Variants in CBY3 observed in about 807,000 individuals in gnomAD.
CBY3 encodes the protein chibby family member 3.
CBY3 carries 7 observed loss-of-function variants against 3.0 expected under a neutral mutation model. The ratio of observed to expected loss-of-function variants is 2.32; its 90% CI spans 1.32 to 4.35. The LOEUF is 4.35. Ranked by LOEUF, CBY3 falls within the 30% of genes most tolerant of loss-of-function variation. The pLI is 0.00. For missense variants in CBY3, 400 were observed against 336.4 expected (o/e 1.19, Z -1.48); for synonymous variants, 170 against 154.5 (o/e 1.10, Z -0.74).
Position 179,679,127 on chromosome 5 carries a change from TC to T in CBY3, c.184del (p.Glu62SerfsTer118). The part of the protein sequence containing the change: ...PYKVHALATF[E>X]CSATSHASRL... ...GCTGGCATGGCTCGTAGCCGAGCAC[TC>T]GAAGGTTGCCAGGGCGTGGACCTTG... On this transcript the variant is annotated frameshift_variant, in exon 2 of 2. Coordinates refer to ENST00000376974, the MANE Select transcript of CBY3 (RefSeq NM_001164444.2). LOFTEE classifies it low-confidence loss of function (END_TRUNC). 6.5e-7 allele frequency: 1 copy of T among 1,535,620 alleles called. No homozygotes were observed. The highest frequency in any genetic ancestry group is 8.7e-7 in the Non-Finnish European group (1 of 1,146,830).
At position 179,679,112 on chromosome 5, in the gene CBY3, C is replaced by T; in HGVS notation, c.200G>A (p.Ser67Asn). 2 of 1,535,732 alleles carry T rather than the reference C, an allele frequency of 1.3e-6. No homozygotes were observed. The highest frequency in any genetic ancestry group is 1.7e-6 in the Non-Finnish European group (2 of 1,146,810). Residue 67 changes from serine (S) to asparagine (N), a missense_variant, in exon 2 of 2, where the codon AGC becomes AAC. Ser to Asn is a conservative substitution (Grantham distance 46). Coordinates refer to ENST00000376974, the MANE Select transcript of CBY3 (RefSeq NM_001164444.2). ...ALATFECSAT[S>N]HASRLWQTLQ... Reference sequence around the variant, plus strand: ...CGTCTGCCACAGGCGGCTGGCATGGCTCGTAGCCGAGCACTCGAAGGTTGC... The same window carrying T: ...CGTCTGCCACAGGCGGCTGGCATGGTTCGTAGCCGAGCACTCGAAGGTTGC...
chr5:179,680,952 G>A lies in CBY3; in HGVS notation c.-34C>T. 1 of 1,528,706 alleles carries A rather than the reference G, an allele frequency of 6.5e-7. No homozygotes were observed. Among genetic ancestry groups the A allele is most frequent in the Non-Finnish European group, 8.8e-7 (1 of 1,140,204 alleles). 94.7% of individuals were successfully genotyped at this position (1,528,706 alleles called of 1,614,324 possible). On this transcript the variant is annotated 5_prime_UTR_variant, in exon 1 of 2. Coordinates refer to ENST00000376974, the MANE Select transcript of CBY3 (RefSeq NM_001164444.2). ...ACCCTTGAGATTGTATCTTCTCGGA[G>A]GATGTTTCCCCGTTAGTCCTCACTG...
intron 1 of CBY3, among the ~76,000 whole-genome samples, chr5:179,679,856 A>G (rs1370883761): frequency 5.4e-5 from 8 of 147,476 alleles, no homozygotes; most frequent in Non-Finnish European, 1.2e-4. Flanking sequence ...ACGGGGTTTC[A>G]CCATGTTGGC....
Position 179,680,937 on chromosome 5 carries a change from T to G in CBY3, c.-19A>C, listed in dbSNP as rs763822180. On this transcript the variant is annotated 5_prime_UTR_variant, in exon 1 of 2. Transcript: ENST00000376974. ...CCCACATCCAGGCCCACCCTTGAGA[T>G]TGTATCTTCTCGGAGGATGTTTCCC... is the stretch of plus-strand genomic sequence containing the variant. The G allele has an allele frequency of 6.5e-7, 1 of 1,534,854 alleles. No individual in the cohort carries two copies. Among genetic ancestry groups the G allele is most frequent in the Non-Finnish European group, 8.7e-7 (1 of 1,145,494 alleles).
intron 1 of CBY3, among the ~76,000 whole-genome samples, chr5:179,679,978 T>A (rs1776019186): frequency 1.4e-5 from 2 of 142,924 alleles, no homozygotes; most frequent in Admixed American, 7.1e-5. Context: ...TTTTTTTTTT[T>A]TTTTTTGTAT....
intron 1 of CBY3, among the ~76,000 whole-genome samples, chr5:179,679,806 C>G (rs1260056006): frequency 6.6e-6 from 1 of 151,958 alleles, no homozygotes; most frequent in Non-Finnish European, 1.5e-5. Context: ...TTACAGGCGC[C>G]TGCCATCACC....
Position 179,680,899 on chromosome 5 carries a change from TG to T in CBY3, c.19del (p.His7IlefsTer173). 6.5e-7 allele frequency: 1 copy of T among 1,536,852 alleles called. No homozygotes were observed. The highest frequency in any genetic ancestry group is 8.7e-7 in the Non-Finnish European group (1 of 1,146,782). On this transcript the variant is annotated frameshift_variant, in exon 1 of 2. Transcript: ENST00000376974. LOFTEE classifies it low-confidence loss of function (END_TRUNC). Reference sequence around the variant, plus strand: ...ATCCCCAAGATCTGGTTCAGGGAGATGGTCTCTGGAAGCCCACATCCAGGCC... The same window carrying T: ...ATCCCCAAGATCTGGTTCAGGGAGATGTCTCTGGAAGCCCACATCCAGGCC... MWASRDHLPEPDLGDAA... is the reference protein window; with the variant it reads MWASRDXLPEPDLGDAA...
chr5:179,680,122 T>G (rs1045837152), intron 1 of CBY3, among the ~76,000 whole-genome samples: 8 of 152,082 alleles, frequency 5.3e-5, no homozygotes, highest in Admixed American at 2.6e-4. Context: ...GGCAGGACTT[T>G]CATATTTCAG....
rs1047966904 is a variant in CBY3, at chr5:179,679,103, C to T, written c.209G>A (p.Ser70Asn). 2.0e-6 allele frequency: 3 copies of T among 1,535,672 alleles called. No individual in the cohort carries two copies. The African/African-American group carries it at 4.1e-5, about 21-fold the overall frequency. Residue 70 changes from serine to asparagine, a missense_variant, in exon 2 of 2, where the codon AGC (serine) becomes AAC (asparagine). By Grantham distance (46) the Ser-to-Asn change is conservative (BLOSUM62 1). Coordinates refer to ENST00000376974, the MANE Select transcript of CBY3 (RefSeq NM_001164444.2). Reference protein sequence around the residue: ...TFECSATSHASRLWQTLQQFW... With the variant: ...TFECSATSHANRLWQTLQQFW... Reference sequence around the variant, plus strand: ...CTGCTGCAGCGTCTGCCACAGGCGGCTGGCATGGCTCGTAGCCGAGCACTC... The same window carrying T: ...CTGCTGCAGCGTCTGCCACAGGCGGTTGGCATGGCTCGTAGCCGAGCACTC...
rs1562423270 is a variant in CBY3 at position 179,678,660 on chromosome 5, GC to G, written c.651del (p.Gln218ArgfsTer16). On this transcript the variant is annotated frameshift_variant, in exon 2 of 2. Transcript: ENST00000376974. LOFTEE classifies it low-confidence loss of function (END_TRUNC). ...CCTGCGCGCTTGCGCATCTTCCTCT[GC>G]CCGGCGCGCGCCGCAGCCGTCGGGA... ...EVIPTAAARA[G>X]QRKMRKRAGA... 6 of 1,535,388 alleles carry G rather than the reference GC, an allele frequency of 3.9e-6. No homozygotes were observed. In the Admixed American group the frequency reaches 7.9e-5, roughly 20 times the overall value.
At position 179,678,655 on chromosome 5, in the gene CBY3, C is replaced by T. The variant is rs904667876; in HGVS notation, c.657G>A (p.Arg219=). ...IPTAAARAGQ[R]KMRKRAGASA... ...TGGCGCCTGCGCGCTTGCGCATCTT[C>T]CTCTGCCCGGCGCGCGCCGCAGCCG... The change falls in exon 2 of 2, where the codon AGG becomes AGA. Residue 219 remains arginine (R), a synonymous_variant. Coordinates refer to ENST00000376974, the MANE Select transcript of CBY3 (RefSeq NM_001164444.2). 1.2e-4 allele frequency: 178 copies of T among 1,534,992 alleles called. No individual in the cohort carries two copies. Among genetic ancestry groups the T allele is most frequent in the Non-Finnish European group, 1.4e-4 (164 of 1,145,638 alleles).
Position 179,680,872 on chromosome 5 carries a change from C to G in CBY3, c.46+1G>C. On this transcript the variant is annotated splice_donor_variant, in intron 1 of 1. Coordinates refer to ENST00000376974, the MANE Select transcript of CBY3 (RefSeq NM_001164444.2). LOFTEE classifies it high-confidence loss of function. ...GTGGACAGAGGCTGGATGGTACATA[C>G]CATCCCCAAGATCTGGTTCAGGGAG... The G allele has an allele frequency of 6.5e-7, 1 of 1,536,578 alleles. No individual in the cohort carries two copies. Among genetic ancestry groups the G allele is most frequent in the Non-Finnish European group, 8.7e-7 (1 of 1,146,434 alleles).
At chr5:179,680,517 T>G (rs1776035434) in intron 1 of CBY3, among the ~76,000 whole-genome samples, 1 of 152,180 alleles carries the variant, frequency 6.6e-6, no homozygotes, top group South Asian at 2.1e-4. Flanking sequence ...GTGTGTTCAC[T>G]GACATCCTGG....
intron 1 of CBY3, among the ~76,000 whole-genome samples, chr5:179,680,185 C>T (rs1581809453): frequency 6.6e-6 from 1 of 151,914 alleles, no homozygotes; most frequent in South Asian, 2.1e-4. Context: ...GAAGAGGAAG[C>T]TGGGAAGGTG....
In CBY3 at chr5:179,678,676, A is replaced by C. The variant is rs1016612059; in HGVS notation, c.636T>G (p.Ala212=). Residue 212 remains alanine (A), a synonymous_variant, in exon 2 of 2, where the codon GCT becomes GCG. Transcript: ENST00000376974. ...TCTTCCTCTGCCCGGCGCGCGCCGC[A>C]GCCGTCGGGATCACCTCGGGGTTGC... The part of the protein sequence containing the change: ...KQRNPEVIPT[A]AARAGQRKMR... 8.5e-6 allele frequency: 13 copies of C among 1,535,656 alleles called. No homozygotes were observed. In the African/African-American group the frequency reaches 1.6e-4, roughly 19 times the overall value.
chr5:179,680,122 T>C (rs1045837152), intron 1 of CBY3, among the ~76,000 whole-genome samples: 3 of 152,082 alleles, frequency 2.0e-5, no homozygotes, highest in Admixed American at 1.3e-4. Flanking sequence ...GGCAGGACTT[T>C]CATATTTCAG....
At chr5:179,680,044 C>T (rs1052175823) in intron 1 of CBY3, among the ~76,000 whole-genome samples, 1 of 149,172 alleles carries the variant, frequency 6.7e-6, no homozygotes, top group Admixed American at 6.8e-5. Flanking sequence ...AACTCCGGAC[C>T]TCAGGTGATC....
Position 179,679,191 on chromosome 5 carries a change from G to T in CBY3, c.121C>A (p.Arg41Ser), listed in dbSNP as rs1405223711. 1.3e-6 allele frequency: 2 copies of T among 1,534,938 alleles called. No homozygotes were observed. Among genetic ancestry groups the T allele is most frequent in the African/African-American group, 1.4e-5 (1 of 73,150 alleles). The change falls in exon 2 of 2, where the codon CGC (arginine) becomes AGC (serine). Residue 41 changes from arginine to serine, a missense_variant. Transcript: ENST00000376974. ...GTGCTCGAAGGGGAGCCTCGGGAGC[G>T]CTGGCGACTCGTGCTGCGCTCTTGT... ...PRQERSTSRQ[R>S]SRGSPSSTCV...
In CBY3 at chr5:179,679,025, C is replaced by T. The variant is rs752235289; in HGVS notation, c.287G>A (p.Arg96His). Reference protein sequence around the residue: ...RPFSPRRPPLRRMPSLSTFYL... With the variant: ...RPFSPRRPPLHRMPSLSTFYL... ...GAAGGTGGACAGGGAGGGCATGCGG[C>T]GCAGTGGCGGCCGCCGTGGCGAGAA... Residue 96 changes from arginine (R) to histidine (H), a missense_variant, in exon 2 of 2, where the codon CGC (arginine) becomes CAC (histidine). By Grantham distance (29) the Arg-to-His change is conservative. Transcript: ENST00000376974. 6.5e-7 allele frequency: 1 copy of T among 1,534,950 alleles called. No individual in the cohort carries two copies. Among genetic ancestry groups the T allele is most frequent in the South Asian group, 1.2e-5 (1 of 83,930 alleles).
Sources: gnomAD v4.1 joint callset for allele counts (sites outside exome capture counted in the v4.1 genomes callset) on GRCh38, gnomAD v4.1.1 for gene constraint, MANE v1.5 for transcripts, NCBI Gene and HGNC (gene_info 2026-07-23, HGNC 2026-07-21) for gene names.